The following CHD5 variants were observed in gnomAD, a reference collection of about 807,000 sequenced individuals.
CHD5 encodes ATP-dependent chromatin remodeler CHD5.
In CHD5, 69 loss-of-function variants were observed where a neutral mutation model predicts 230.3. That is an observed-to-expected ratio of 0.30 (90% CI 0.25 to 0.37). The LOEUF (loss-of-function observed/expected upper bound fraction) is 0.37. Ranked by LOEUF, CHD5 falls within the 10% of genes least tolerant of loss-of-function variation. The pLI, the probability that CHD5 is intolerant of heterozygous loss-of-function variation, is 1.00. For synonymous variants in CHD5, 1,064 were observed against 1,065.9 expected (o/e 1.00, Z 0.03); for missense variants, 1,827 against 2,622.8 (o/e 0.70, Z 6.63).
In CHD5 at chr1:6,104,788, C is replaced by T. The variant is rs1409959214; in HGVS notation, c.*686G>A. On this transcript the variant is annotated 3_prime_UTR_variant, in exon 42 of 42. Transcript: ENST00000262450. ...CCTCCCCACAAGGAGAGAGCAAACACCTGGCGGCCTCCAGCCTTGGCAGGA... is the reference window on the plus strand; with the variant it reads ...CCTCCCCACAAGGAGAGAGCAAACATCTGGCGGCCTCCAGCCTTGGCAGGA... 1 of 153,146 alleles carries T rather than the reference C, an allele frequency of 6.5e-6. No homozygotes were observed. Among genetic ancestry groups the T allele is most frequent in the African/African-American group, 2.4e-5 (1 of 41,468 alleles). The allele number at this position is 153,146 out of a possible 1,614,324, so 9.5% of individuals were successfully genotyped here. A position where few individuals can be genotyped will look rare whatever the true frequency, so the allele number is the denominator to read the frequency against.
chr1:6,128,647 C>T lies in CHD5; in HGVS notation c.3620-38G>A, dbSNP rs1283425700. The T allele has an allele frequency of 1.3e-6, 2 of 1,526,710 alleles. No homozygotes were observed. Among genetic ancestry groups the T allele is most frequent in the Non-Finnish European group, 1.8e-6 (2 of 1,103,092 alleles). The allele number at this position is 1,526,710 out of a possible 1,614,324, so 94.6% of individuals were successfully genotyped here. A position where few individuals can be genotyped will look rare whatever the true frequency, so the allele number is the denominator to read the frequency against. On this transcript the variant is annotated intron_variant, in intron 23 of 41. Coordinates refer to ENST00000262450, the MANE Select transcript of CHD5 (RefSeq NM_015557.3). The surrounding 1 kb of genome is among the most constrained non-coding windows in gnomAD (Gnocchi z 7.8). ...GAAGGAAAGCACTGGTGCAGGACCA[C>T]AGAGGGCTGCAGGGTTGGCGGGCAG...
rs116770482 is a variant in CHD5 at position 6,176,839 on chromosome 1, G to A, written c.79+3106C>T. Among the ~76,000 whole-genome samples the A allele has an allele frequency of 1.1e-4, 17 of 152,310 alleles. No homozygotes were observed. The East Asian group carries it at 3.3e-3, about 29-fold the overall frequency. On this transcript the variant is annotated intron_variant, in intron 1 of 41. Transcript: ENST00000262450. ...ACTCAGCTAATGCTCAGAGCTAGAA[G>A]CCAAGGCCTCATCCCACCAGCTCTT...
At position 6,127,693 on chromosome 1, in the gene CHD5, G is replaced by A. The variant is rs1440756166; in HGVS notation, c.3903+353C>T. Among the ~76,000 whole-genome samples, 4 of 152,172 alleles carry A rather than the reference G, an allele frequency of 2.6e-5. No homozygotes were observed. In the South Asian group the frequency reaches 6.2e-4, roughly 24 times the overall value. ...GAAGCTGGACTGGAGCCGGGATGAC[G>A]CCACGGAGCAGGCGGCTGATGTGTG... is the stretch of plus-strand genomic sequence containing the variant. On this transcript the variant is annotated intron_variant, in intron 25 of 41. Transcript: ENST00000262450.
chr1:6,175,587 T>C (rs935429459), intron 1 of CHD5, among the ~76,000 whole-genome samples: 7 of 150,464 alleles, frequency 4.7e-5, no homozygotes, highest in Non-Finnish European at 1.0e-4. Flanking sequence ...GATGAATGAA[T>C]GGTGGATGGA....
chr1:6,152,400 G>C lies in CHD5; in HGVS notation c.870+12C>G. The C allele has an allele frequency of 6.2e-7, 1 of 1,610,574 alleles. No individual in the cohort carries two copies. Among genetic ancestry groups the C allele is most frequent in the Non-Finnish European group, 8.5e-7 (1 of 1,178,298 alleles). ...CAAATGCACACACACGCGCACACAC[G>C]CACACACTCACCGAGGAGCCTTTCT... On this transcript the variant is annotated intron_variant, in intron 6 of 41. Transcript: ENST00000262450.
chr1:6,145,028 A>G (rs1666889323), intron 11 of CHD5, among the ~76,000 whole-genome samples: 1 of 152,224 alleles, frequency 6.6e-6, no homozygotes, highest in Non-Finnish European at 1.5e-5. Flanking sequence ...GTAAAGGTAG[A>G]AAACCATGGG....
Position 6,149,034 on chromosome 1 carries a change from A to C in CHD5, c.1203T>G (p.Asp401Glu). 1 of 1,591,122 alleles carries C rather than the reference A, an allele frequency of 6.3e-7. No homozygotes were observed. The highest frequency in any genetic ancestry group is 8.6e-7 in the Non-Finnish European group (1 of 1,169,440). Residue 401 changes from aspartate to glutamate, a missense_variant, in exon 9 of 42, where the codon GAT (aspartate) becomes GAG (glutamate). Physicochemically the swap from Asp to Glu is conservative, Grantham distance 45 (BLOSUM62 2). Around this residue, in one of 14 missense-constraint regions of CHD5, gnomAD observed 657 missense variants for 816.4 expected, o/e 0.80. Transcript: ENST00000262450. ...GIQWEPKDDD[D>E]EEEEGGCEEE... is the part of the protein sequence containing the mutation. Reference sequence around the variant, plus strand: ...CCTCGCAGCCGCCCTCCTCCTCTTCATCGTCGTCGTCCTTCGGCTCCCACT... The same window carrying C: ...CCTCGCAGCCGCCCTCCTCCTCTTCCTCGTCGTCGTCCTTCGGCTCCCACT...
At chr1:6,120,503 A>T (rs1237552046) in intron 33 of CHD5, among the ~76,000 whole-genome samples, 90 of 144,156 alleles carry the variant, frequency 6.2e-4, no homozygotes, top group African/African-American at 1.2e-3. Flanking sequence ...CTAAAAATTA[A>T]AAAAAAAAAA....
chr1:6,115,234 G>A (rs528277498), intron 33 of CHD5, among the ~76,000 whole-genome samples: 93 of 150,136 alleles, frequency 6.2e-4, no homozygotes, highest in African/African-American at 2.1e-3. Flanking sequence ...GCTGAGGTGG[G>A]AGAGAGACTC....
In CHD5 at chr1:6,142,675, G is replaced by T; in HGVS notation, c.2044-70C>A. 6.8e-7 allele frequency: 1 copy of T among 1,461,714 alleles called. No individual in the cohort carries two copies. Among genetic ancestry groups the T allele is most frequent in the South Asian group, 1.3e-5 (1 of 76,392 alleles). 90.5% of individuals were successfully genotyped at this position (1,461,714 alleles called of 1,614,324 possible). A position where few individuals can be genotyped will look rare whatever the true frequency, so the allele number is the denominator to read the frequency against. On this transcript the variant is annotated intron_variant, in intron 13 of 41. Transcript: ENST00000262450. The surrounding 1 kb of genome is among the most constrained non-coding windows in gnomAD (Gnocchi z 5.2). ...ACCAGAGTCCACACTACAGGCCTTTGCACATGCAATTCCTTCTGCCTGGAA... is the reference window on the plus strand; with the variant it reads ...ACCAGAGTCCACACTACAGGCCTTTTCACATGCAATTCCTTCTGCCTGGAA...
At chr1:6,106,156 G>C (rs1666160591) in intron 41 of CHD5, 78 bp downstream of exon 41, 2 of 1,333,186 alleles carry the variant, frequency 1.5e-6, no homozygotes, top group South Asian at 1.2e-5. Context: ...CAAGTGCAGG[G>C]GCAGGGCTGA....
rs768467200 is a variant in CHD5 at position 6,146,773 on chromosome 1, C to A, written c.1482G>T (p.Glu494Asp). ...FMVGLPGPDV[E>D]PSLPPPKPLE... ...GGGGCTTAGGTGGAGGGAGGCTGGG[C>A]TCCACGTCAGGCCCCGGCAGCCCCA... Residue 494 changes from glutamate to aspartate, a missense_variant, in exon 10 of 42, where the codon GAG (glutamate) becomes GAT (aspartate). Coordinates refer to ENST00000262450, the MANE Select transcript of CHD5 (RefSeq NM_015557.3). The surrounding 1 kb of genome is among the most constrained non-coding windows in gnomAD (Gnocchi z 5.1). The A allele has an allele frequency of 6.2e-7, 1 of 1,603,992 alleles. No homozygotes were observed. The highest frequency in any genetic ancestry group is 1.1e-5 in the South Asian group (1 of 90,118).
intron 20 of CHD5, among the ~76,000 whole-genome samples, chr1:6,133,673 T>C (rs1026466532): frequency 2.6e-5 from 4 of 152,224 alleles, no homozygotes; most frequent in African/African-American, 4.8e-5. Context: ...AGCCTGACTA[T>C]GACAGACGCA....
rs987179575 is a variant in CHD5 at position 6,128,667 on chromosome 1, G to T, written c.3620-58C>A. 4 of 1,459,642 alleles carry T rather than the reference G, an allele frequency of 2.7e-6. No homozygotes were observed. The highest frequency in any genetic ancestry group is 2.9e-6 in the Non-Finnish European group (3 of 1,046,144). 90.4% of individuals were successfully genotyped at this position (1,459,642 alleles called of 1,614,324 possible). A position where few individuals can be genotyped will look rare whatever the true frequency, so the allele number is the denominator to read the frequency against. On this transcript the variant is annotated intron_variant, in intron 23 of 41. Transcript: ENST00000262450. The surrounding 1 kb of genome is among the most constrained non-coding windows in gnomAD (Gnocchi z 7.8). ...GACCACAGAGGGCTGCAGGGTTGGC[G>T]GGCAGTGCCCAGAGACACCACCCTG...
intron 13 of CHD5, 24 bp downstream of exon 13, chr1:6,143,784 GGCAACCCCACCCACT>G: frequency 1.3e-6 from 2 of 1,555,864 alleles, no homozygotes; most frequent in Non-Finnish European, 8.8e-7. Flanking sequence ...GGCAGGCCCT[GGCAACCCCACCCACT>G]GCTGCCCCAC....
At chr1:6,147,012 T>A (rs1352542574) in intron 9 of CHD5, 141 bp from the exon 10 acceptor site, 7 of 654,496 alleles carry the variant, frequency 1.1e-5, no homozygotes, top group Admixed American at 6.5e-5. Flanking sequence ...GGTGACGCCA[T>A]GACATCCACC....
intron 1 of CHD5, among the ~76,000 whole-genome samples, chr1:6,179,364 G>T (rs1037495552): frequency 6.6e-6 from 1 of 152,074 alleles, no homozygotes; most frequent in Non-Finnish European, 1.5e-5. Flanking sequence ...AGGAGCAGGG[G>T]TCCGAGCCCG....
chr1:6,179,983 A>C lies in CHD5; in HGVS notation c.41T>G (p.Leu14Arg). Residue 14 changes from leucine to arginine, a missense_variant, in exon 1 of 42, where the codon CTG (leucine) becomes CGG (arginine). Leu to Arg is a moderately radical substitution (Grantham distance 102, BLOSUM62 -2). This residue lies in a region of CHD5 where 113 missense variants were observed against 91.9 expected (regional missense o/e 1.23). Transcript: ENST00000262450. Reference protein sequence around the residue: ...PVGTEEELPRLFAEEMENEDE... With the variant: ...PVGTEEELPRRFAEEMENEDE... ...CTCATTCTCCATCTCCTCGGCGAACAGCCGCGGCAGCTCCTCCTCGGTGCC... is the reference window on the plus strand; with the variant it reads ...CTCATTCTCCATCTCCTCGGCGAACCGCCGCGGCAGCTCCTCCTCGGTGCC... The C allele has an allele frequency of 1.5e-6, 2 of 1,378,424 alleles. No homozygotes were observed. Among genetic ancestry groups the C allele is most frequent in the Admixed American group, 2.5e-5 (1 of 40,608 alleles). The allele number at this position is 1,378,424 out of a possible 1,614,324, so 85.4% of individuals were successfully genotyped here. A position where few individuals can be genotyped will look rare whatever the true frequency, so the allele number is the denominator to read the frequency against.
chr1:6,129,117 G>A lies in CHD5; in HGVS notation c.3388-48C>T, dbSNP rs1240814392. ...ACCCGTGGCTCACCCAGGGCTCCAG[G>A]CAATGGAGGAGATCACACCCATGAG... On this transcript the variant is annotated intron_variant, in intron 22 of 41. Transcript: ENST00000262450. The surrounding 1 kb of genome is among the most constrained non-coding windows in gnomAD (Gnocchi z 6.8). 7.5e-7 allele frequency: 1 copy of A among 1,339,268 alleles called. No individual in the cohort carries two copies. Among genetic ancestry groups the A allele is most frequent in the Non-Finnish European group, 1.1e-6 (1 of 950,218 alleles). The allele number at this position is 1,339,268 out of a possible 1,614,324, so 83.0% of individuals were successfully genotyped here. A position where few individuals can be genotyped will look rare whatever the true frequency, so the allele number is the denominator to read the frequency against.
Sources: gnomAD v4.1 joint callset for allele counts (sites outside exome capture counted in the v4.1 genomes callset) on GRCh38, gnomAD v4.1.1 for gene constraint, gnomAD v4.1.1 regional missense constraint, Gnocchi (gnomAD v3.1) non-coding constraint, MANE v1.5 for transcripts, NCBI Gene and HGNC (gene_info 2026-07-23, HGNC 2026-07-21) for gene names.